Variants in HTR2C observed in about 807,000 individuals in gnomAD.
The protein encoded by HTR2C is 5-hydroxytryptamine (serotonin) receptor 2C, G protein-coupled.
In HTR2C, 5 loss-of-function variants were observed where a neutral mutation model predicts 21.0. The ratio of observed to expected loss-of-function variants is 0.24; its 90% confidence interval spans 0.12 to 0.50. The LOEUF (loss-of-function observed/expected upper bound fraction) is 0.50, where lower values mean the gene tolerates loss of function less well. Ranked by LOEUF, HTR2C falls within the 20% of genes least tolerant of loss-of-function variation. The pLI is 0.98. For synonymous variants in HTR2C, 150 were observed against 145.3 expected (o/e 1.03, Z -0.23); for missense variants, 271 against 371.2 (o/e 0.73, Z 2.22).
intron 4 of HTR2C, among the ~76,000 whole-genome samples, chrX:114,806,442 A>G (rs1556449738): frequency 1.0e-4 from 9 of 89,622 alleles, no homozygotes; most frequent in African/African-American, 4.1e-4. Context: ...TACACCATAT[A>G]TATATACTGT....
intron 2 of HTR2C, among the ~76,000 whole-genome samples, chrX:114,658,699 G>C (rs782358623): frequency 6.3e-5 from 7 of 110,918 alleles, no homozygotes; most frequent in Non-Finnish European, 3.8e-5. Flanking sequence ...GCAGATAAAG[G>C]GGGGAGAGGA....
In HTR2C at chrX:114,814,921, TATATATC is replaced by T. The variant is rs782400881; in HGVS notation, c.350-33068_350-33062del. Among the ~76,000 whole-genome samples the T allele has an allele frequency of 4.6e-4, 47 of 102,740 alleles. No homozygotes were observed. The South Asian group carries it at 0.012, about 26-fold the overall frequency. 89.2% of individuals were successfully genotyped at this position (102,740 alleles called of 115,157 possible). On this transcript the variant is annotated intron_variant, in intron 4 of 5. Coordinates refer to ENST00000276198, the MANE Select transcript of HTR2C (RefSeq NM_000868.4). ...ATATTATATAGTATATATCATATAG[TATATATC>T]ATATATCATATATACTATATTATAT...
chrX:114,591,044 T>G (rs963928767), intron 1 of HTR2C, among the ~76,000 whole-genome samples: 12 of 112,058 alleles, frequency 1.1e-4, no homozygotes, highest in Admixed American at 1.0e-3. Flanking sequence ...CAGACATTAG[T>G]ATTAATGAAT....
At chrX:114,808,362 A>G (rs1556451553) in intron 4 of HTR2C, among the ~76,000 whole-genome samples, 1 of 111,175 alleles carries the variant, frequency 9.0e-6, no homozygotes, top group East Asian at 2.8e-4. Context: ...TTCTTCATTC[A>G]TCTGCTGATT....
At chrX:114,711,747 C>A (rs1219005703) in intron 2 of HTR2C, among the ~76,000 whole-genome samples, 1 of 111,926 alleles carries the variant, frequency 8.9e-6, no homozygotes, top group Admixed American at 9.6e-5. Flanking sequence ...CCTCTTTGAA[C>A]TTCACTATTT....
chrX:114,723,109 C>A (rs1933293348), intron 2 of HTR2C, among the ~76,000 whole-genome samples: 1 of 111,173 alleles, frequency 9.0e-6, no homozygotes, highest in Admixed American at 9.5e-5. Context: ...CCTCCTTGTA[C>A]CTCTGGTAGA....
chrX:114,663,990 A>G (rs1556410580), intron 2 of HTR2C, among the ~76,000 whole-genome samples: 1 of 111,800 alleles, frequency 8.9e-6, no homozygotes, highest in East Asian at 2.8e-4. Context: ...GAAGACTGAC[A>G]GGAGTGAAGG....
intron 1 of HTR2C, among the ~76,000 whole-genome samples, chrX:114,587,845 A>G (rs1305482684): frequency 1.8e-5 from 2 of 112,261 alleles, no homozygotes; most frequent in Non-Finnish European, 3.8e-5. Flanking sequence ...AACATTGAAA[A>G]CAACCAAGTG....
intron 4 of HTR2C, among the ~76,000 whole-genome samples, chrX:114,796,612 G>A (rs782750835): frequency 1.7e-4 from 19 of 111,494 alleles, no homozygotes; most frequent in Non-Finnish European, 3.6e-4. Flanking sequence ...TGAATAGCAG[G>A]CACCACATGC....
chrX:114,876,422 C>CTTTTTTTTTTTTTTTTTTTTTTTTTCTTT (rs60498146), intron 5 of HTR2C, among the ~76,000 whole-genome samples: 11 of 62,387 alleles, frequency 1.8e-4, no homozygotes, highest in East Asian at 6.0e-4. Context: ...CTTTTTCTTT[C>CTTTTTTTTTTTTTTTTTTTTTTTTTCTTT]TTTTTTTTTT....
chrX:114,877,371 C>G (rs1418336174), intron 5 of HTR2C, among the ~76,000 whole-genome samples: 5 of 109,886 alleles, frequency 4.6e-5, no homozygotes, highest in Non-Finnish European at 9.6e-5. Flanking sequence ...AAGGTTTGTC[C>G]ATTTTATTTA....
intron 1 of HTR2C, among the ~76,000 whole-genome samples, chrX:114,597,093 C>T (rs1467439057): frequency 9.2e-6 from 1 of 108,606 alleles, no homozygotes; most frequent in African/African-American, 3.4e-5. Context: ...TTGTGTGTGC[C>T]TGTAATCCCA....
intron 4 of HTR2C, among the ~76,000 whole-genome samples, chrX:114,802,410 A>G (rs187288053): frequency 1.8e-5 from 2 of 111,547 alleles, no homozygotes; most frequent in African/African-American, 6.5e-5. Flanking sequence ...TTTCTGTGCC[A>G]TTTCCTGGCA....
chrX:114,590,996 A>G (rs1309514065), intron 1 of HTR2C, among the ~76,000 whole-genome samples: 1 of 112,265 alleles, frequency 8.9e-6, no homozygotes, highest in Non-Finnish European at 1.9e-5. Context: ...TGTAAATAAG[A>G]GCTTTATTTC....
At chrX:114,595,342 C>T (rs1377244664) in intron 1 of HTR2C, among the ~76,000 whole-genome samples, 5 of 108,532 alleles carry the variant, frequency 4.6e-5, no homozygotes, top group Non-Finnish European at 9.5e-5. Flanking sequence ...CTCAGCCTCT[C>T]GAGTAGCTGG....
chrX:114,827,870 A>G (rs1556459076), intron 4 of HTR2C, among the ~76,000 whole-genome samples: 1 of 110,920 alleles, frequency 9.0e-6, no homozygotes, highest in East Asian at 2.8e-4. Flanking sequence ...TGCAACTTTC[A>G]ATGTTTTTGT....
intron 5 of HTR2C, among the ~76,000 whole-genome samples, chrX:114,868,198 G>A (rs2071061505): frequency 9.1e-6 from 1 of 109,846 alleles, no homozygotes; most frequent in Admixed American, 9.7e-5. Context: ...GTGTTTTATA[G>A]TTTTCATTAT....
chrX:114,635,954 G>A (rs1267185057), intron 2 of HTR2C, among the ~76,000 whole-genome samples: 1 of 111,146 alleles, frequency 9.0e-6, no homozygotes, highest in Non-Finnish European at 1.9e-5. Context: ...AGTGATAAGT[G>A]ACTGCCAGGA....
chrX:114,695,466 T>C (rs1932252011), intron 2 of HTR2C, among the ~76,000 whole-genome samples: 1 of 111,823 alleles, frequency 8.9e-6, no homozygotes, highest in South Asian at 3.7e-4. Context: ...CCCTCTGTTA[T>C]AAGGCTCTGT....
Sources: allele counts gnomAD v4.1 joint callset (sites outside exome capture counted in the v4.1 genomes callset), GRCh38; gene constraint gnomAD v4.1.1; transcripts MANE v1.5; gene names NCBI Gene and HGNC (gene_info 2026-07-23, HGNC 2026-07-21).